The following ANKRD36 variants were observed in gnomAD, a reference collection of about 807,000 sequenced individuals.
ANKRD36 encodes ankyrin repeat domain-containing protein 36A.
A neutral mutation model predicts 278.1 loss-of-function variants in ANKRD36; 179 were observed. That is an observed-to-expected ratio of 0.64 (90% confidence interval 0.57 to 0.73). The LOEUF (loss-of-function observed/expected upper bound fraction) is 0.73. Among genes scored for constraint, ANKRD36 ranks in the 30% least tolerant of loss-of-function variants. The pLI is 0.00. For missense variants in ANKRD36, 1,159 were observed against 1,956.7 expected, an observed-to-expected ratio of 0.59 and a Z score of 7.69; for synonymous variants, 320 against 641.1, an observed-to-expected ratio of 0.50 and a Z score of 7.57.
At chr2:97,198,429 A>G in intron 42 of ANKRD36, 34 bp from the exon 43 acceptor site, 3 of 1,569,236 alleles carry the variant, frequency 1.9e-6, no homozygotes, top group South Asian at 1.2e-5. Flanking sequence ...TCGTTTTTAC[A>G]TATGAGTGAT....
intron 17 of ANKRD36, among the ~76,000 whole-genome samples, chr2:97,159,698 A>G (rs1159305883): frequency 6.6e-6 from 1 of 151,238 alleles, no homozygotes; most frequent in Non-Finnish European, 1.5e-5. Flanking sequence ...CTTTTTTGAT[A>G]ATAAGAGGGA....
chr2:97,198,665 T>C lies in ANKRD36; in HGVS notation c.2755+7T>C, dbSNP rs1228428966. On this transcript the variant is annotated splice_region_variant and intron_variant, in intron 44 of 75. Coordinates refer to ENST00000420699, the MANE Select transcript of ANKRD36 (RefSeq NM_001354587.1). ...GGAGAAAAAACTAAGAGAGGTAATT[T>C]TGAAAAGAGATTTAATGTCATGTTC... The C allele has an allele frequency of 1.2e-5, 19 of 1,539,802 alleles. No individual in the cohort carries two copies. The African/African-American group carries it at 2.5e-4, about 20-fold the overall frequency.
At chr2:97,130,543 A>C (rs1211512813) in intron 6 of ANKRD36, among the ~76,000 whole-genome samples, 1 of 151,812 alleles carries the variant, frequency 6.6e-6, no homozygotes, top group East Asian at 1.9e-4. Context: ...ACATGTATAC[A>C]TATGTAACAA....
At chr2:97,183,231 G>A (rs1248435901) in intron 26 of ANKRD36, among the ~76,000 whole-genome samples, 3 of 151,678 alleles carry the variant, frequency 2.0e-5, no homozygotes, top group African/African-American at 4.8e-5. Flanking sequence ...CACACATGAT[G>A]CATAATACCT....
At position 97,189,107 on chromosome 2, in the gene ANKRD36, G is replaced by T; in HGVS notation, c.2164G>T (p.Ala722Ser). ...TTCAGTGTCTTCTCAGAAGCAACCA[G>T]CCTTGAAGGTAATTAAACTCTCGTT... is the stretch of plus-strand genomic sequence containing the variant. ...SGTVSSQKQP[A>S]LKATTDEEDS... Residue 722 changes from alanine (A) to serine (S), a missense_variant, in exon 33 of 76, where the codon GCC becomes TCC. By Grantham distance (99) the Ala-to-Ser change is moderately conservative. Transcript: ENST00000420699. 1 of 759,218 alleles carries T rather than the reference G, an allele frequency of 1.3e-6. No individual in the cohort carries two copies. The highest frequency in any genetic ancestry group is 1.3e-5 in the South Asian group (1 of 79,216). The allele number at this position is 759,218 out of a possible 1,614,324, so 47.0% of individuals were successfully genotyped here.
Position 97,198,619 on chromosome 2 carries a change from A to C in ANKRD36, c.2716A>C (p.Ile906Leu), listed in dbSNP as rs562477139. Residue 906 changes from isoleucine (I) to leucine (L), a missense_variant, in exon 44 of 76, where the codon ATA (isoleucine) becomes CTA (leucine). By Grantham distance (5) the Ile-to-Leu change is conservative. Transcript: ENST00000420699. ...SSAEKDSVLNIARGKKDGEKT... is the reference protein window; with the variant it reads ...SSAEKDSVLNLARGKKDGEKT... ...TGCCGAGAAAGATTCTGTTTTGAAT[A>C]TAGCCAGAGGAAAAAAGGATGGAGA... is the stretch of plus-strand genomic sequence containing the variant. 1.1e-5 allele frequency: 17 copies of C among 1,545,396 alleles called. No individual in the cohort carries two copies. In the East Asian group the frequency reaches 3.9e-4, roughly 35 times the overall value.
rs544103818 is a variant in ANKRD36 at position 97,122,831 on chromosome 2, G to T, written c.487-56G>T. 549 of 1,468,200 alleles carry T rather than the reference G, an allele frequency of 3.7e-4. 1 individual carries two copies. Among genetic ancestry groups the T allele is most frequent in the South Asian group, 1.5e-3 (116 of 79,604 alleles). 90.9% of individuals were successfully genotyped at this position (1,468,200 alleles called of 1,614,324 possible). On this transcript the variant is annotated intron_variant, in intron 3 of 75. Transcript: ENST00000420699. The stretch of plus-strand genomic sequence containing the variant: ...GGATCTTACTTACATAAGGTTTTCA[G>T]TTCAGTTGATAAATATGTAATTTTG...
chr2:97,164,612 G>A, intron 20 of ANKRD36, 143 bp downstream of exon 20: 2 of 985,800 alleles, frequency 2.0e-6, no homozygotes, highest in Non-Finnish European at 2.9e-6. Flanking sequence ...TAATATCTTT[G>A]TTTATAAAAT....
chr2:97,169,823 G>C (rs932392336), intron 22 of ANKRD36, among the ~76,000 whole-genome samples: 2 of 152,222 alleles, frequency 1.3e-5, no homozygotes, highest in African/African-American at 4.8e-5. Context: ...TCATGGATAG[G>C]AAGAATCAAT....
At chr2:97,131,051 A>T (rs201260766) in intron 6 of ANKRD36, among the ~76,000 whole-genome samples, 1 of 152,054 alleles carries the variant, frequency 6.6e-6, no homozygotes, top group Non-Finnish European at 1.5e-5. Flanking sequence ...AGGTGTATTT[A>T]AAATTTTCAA....
chr2:97,156,624 T>C (rs2047520028), intron 15 of ANKRD36, among the ~76,000 whole-genome samples: 6 of 135,596 alleles, frequency 4.4e-5, no homozygotes, highest in South Asian at 2.4e-4. Flanking sequence ...CTATCATTGT[T>C]GGACATTTGG....
chr2:97,144,836 A>G (rs1378042986), intron 10 of ANKRD36, 124 bp downstream of exon 10: 1 of 1,307,562 alleles, frequency 7.6e-7, no homozygotes, highest in Non-Finnish European at 1.0e-6. Flanking sequence ...GAGATTCTGC[A>G]TTTGTAATAA....
chr2:97,127,165 T>A, intron 6 of ANKRD36, 31 bp downstream of exon 6: 1 of 918,270 alleles, frequency 1.1e-6, no homozygotes, highest in South Asian at 1.8e-5. Context: ...TTACTCTTGA[T>A]GGTACTACCA....
At chr2:97,156,171 C>A (rs201101362) in intron 15 of ANKRD36, among the ~76,000 whole-genome samples, 8 of 145,156 alleles carry the variant, frequency 5.5e-5, no homozygotes, top group South Asian at 2.1e-4. Flanking sequence ...ATTTTTAAAG[C>A]CCCAACCATG....
chr2:97,184,345 T>G (rs998783140), intron 28 of ANKRD36, among the ~76,000 whole-genome samples: 1 of 151,368 alleles, frequency 6.6e-6, no homozygotes, highest in East Asian at 1.9e-4. Flanking sequence ...AGACATATAT[T>G]TTTTTTTAGT....
intron 6 of ANKRD36, among the ~76,000 whole-genome samples, chr2:97,134,560 G>C (rs1223387634): frequency 3.9e-5 from 6 of 151,950 alleles, no homozygotes; most frequent in Admixed American, 3.3e-4. Context: ...TTTCTTTGAG[G>C]GATCACTTTG....
chr2:97,128,499 C>T (rs1421136221), intron 6 of ANKRD36, among the ~76,000 whole-genome samples: 1 of 151,578 alleles, frequency 6.6e-6, no homozygotes, highest in South Asian at 2.1e-4. Context: ...TTGGCGGTAC[C>T]CTTTTCAAAA....
rs1301025088 is a variant in ANKRD36, at chr2:97,243,999, A to G, written c.4461A>G (p.Glu1487=). Residue 1487 remains glutamate, a synonymous_variant, in exon 70 of 76, where the codon GAA becomes GAG. Coordinates refer to ENST00000420699, the MANE Select transcript of ANKRD36 (RefSeq NM_001354587.1). The part of the protein sequence containing the change: ...IKPALKSAEV[E]LKTGGNNSNQ... ...CGGCTCTCAAATCAGCAGAGGTGGA[A>G]TTGAAGACAGGAGGAAATAATTCAA... 4 of 1,597,360 alleles carry G rather than the reference A, an allele frequency of 2.5e-6. No individual in the cohort carries two copies. The highest frequency in any genetic ancestry group is 3.4e-6 in the Non-Finnish European group (4 of 1,173,364).
At chr2:97,139,653 C>T (rs2042372434) in intron 6 of ANKRD36, among the ~76,000 whole-genome samples, 1 of 152,010 alleles carries the variant, frequency 6.6e-6, no homozygotes, top group Non-Finnish European at 1.5e-5. Context: ...TTGATTTGTA[C>T]TATATTAGAA....
Sources: allele counts gnomAD v4.1 joint callset (sites outside exome capture counted in the v4.1 genomes callset), GRCh38; gene constraint gnomAD v4.1.1; transcripts MANE v1.5; gene names NCBI Gene and HGNC (gene_info 2026-07-23, HGNC 2026-07-21).